Variants in SYNPO2 observed in about 807,000 individuals in gnomAD.
SYNPO2 encodes the protein synaptopodin-2.
Under a neutral mutation model 85.0 loss-of-function variants are expected in SYNPO2, and 56 were observed. The ratio of observed to expected loss-of-function variants is 0.66; its 90% CI spans 0.53 to 0.82. The LOEUF is 0.82. Among genes scored for constraint, SYNPO2 ranks in the 40% least tolerant of loss-of-function variants. The pLI is 0.00. For synonymous variants in SYNPO2, 602 were observed against 591.1 expected, an observed-to-expected ratio of 1.02 and a Z score of -0.27; for missense variants, 1,575 against 1,534.2, an observed-to-expected ratio of 1.03 and a Z score of -0.44.
intron 4 of SYNPO2, chr4:119,038,230 C>G: frequency 1.0e-6 from 1 of 984,892 alleles, no homozygotes; most frequent in Non-Finnish European, 1.2e-6. Context: ...CCTACTGTCT[C>G]TGCTTTGTAG....
intron 3 of SYNPO2, among the ~76,000 whole-genome samples, chr4:119,028,931 G>C (rs553259543): frequency 2.0e-5 from 3 of 151,416 alleles, no homozygotes; most frequent in South Asian, 4.1e-4. Flanking sequence ...TTTTATAATA[G>C]TAATAATGAA....
chr4:119,046,863 C>A (rs143891205), intron 4 of SYNPO2, among the ~76,000 whole-genome samples: 25 of 152,302 alleles, frequency 1.6e-4, no homozygotes, highest in Admixed American at 2.6e-4. Flanking sequence ...TACGCTTTCT[C>A]ACAAACAGAT....
intron 1 of SYNPO2, among the ~76,000 whole-genome samples, chr4:118,858,101 G>T (rs1578502186): frequency 2.0e-5 from 3 of 152,196 alleles, no homozygotes; most frequent in Admixed American, 2.0e-4. Flanking sequence ...TAGGGCTGTA[G>T]CCTCCTTTAC....
chr4:119,057,269 T>A (rs1739234391), intron 4 of SYNPO2, 132 bp from the exon 5 acceptor site: 2 of 1,068,254 alleles, frequency 1.9e-6, no homozygotes, highest in Non-Finnish European at 2.5e-6. Context: ...CTAAGCATTC[T>A]GGGGGGTTAA....
At chr4:119,012,089 A>AT (rs1737329542) in intron 1 of SYNPO2, among the ~76,000 whole-genome samples, 1 of 151,826 alleles carries the variant, frequency 6.6e-6, no homozygotes, top group Non-Finnish European at 1.5e-5. Flanking sequence ...CGTCTGGCTA[A>AT]TTTTTGTATT....
At position 119,026,944 on chromosome 4, in the gene SYNPO2, A is replaced by C. The variant is rs1167813651; in HGVS notation, c.575A>C (p.Gln192Pro). The change falls in exon 3 of 5, where the codon CAG becomes CCG. Residue 192 changes from glutamine (Q) to proline (P), a missense_variant. Coordinates refer to ENST00000307142, the MANE Select transcript of SYNPO2 (RefSeq NM_133477.3). ...TTAAGGGAGAAGGTAGAAGCGGTACAGCCTGGGCCTGTGGTTGAGCTGCAA... is the reference window on the plus strand; with the variant it reads ...TTAAGGGAGAAGGTAGAAGCGGTACCGCCTGGGCCTGTGGTTGAGCTGCAA... ...LILREKVEAV[Q>P]PGPVVELQLS... 5.0e-6 allele frequency: 8 copies of C among 1,614,096 alleles called. No homozygotes were observed. The highest frequency in any genetic ancestry group is 6.8e-6 in the Non-Finnish European group (8 of 1,180,044).
In SYNPO2 at chr4:118,852,950, T is replaced by G. The variant is rs373098021; in HGVS notation, c.12+2010T>G. ...GTTTCATTATTACATTTTGTTAATA[T>G]TACCATCAATTTCATCAGAAAAGCT... On this transcript the variant is annotated intron_variant, in intron 1 of 4. Coordinates refer to the SYNPO2 transcript ENST00000610556. Among the ~76,000 whole-genome samples the G allele has an allele frequency of 3.3e-5, 5 of 152,236 alleles. No individual in the cohort carries two copies. In the East Asian group the frequency reaches 9.6e-4, roughly 29 times the overall value.
chr4:119,039,212 T>A (rs972116921), intron 4 of SYNPO2, among the ~76,000 whole-genome samples: 1 of 152,074 alleles, frequency 6.6e-6, no homozygotes, highest in Non-Finnish European at 1.5e-5. Flanking sequence ...CACTTTAAGA[T>A]GAGAAAATTG....
intron 1 of SYNPO2, among the ~76,000 whole-genome samples, chr4:118,876,671 TTCTTTCTTTC>T (rs1267403838): frequency 2.9e-3 from 6 of 2,080 alleles, no homozygotes; most frequent in African/African-American, 7.2e-3. Flanking sequence ...TCCTTTCTCT[TTCTTTCTTTC>T]TTTCTTTCTT....
chr4:119,014,584 T>C (rs1737456076), intron 1 of SYNPO2, among the ~76,000 whole-genome samples: 1 of 152,214 alleles, frequency 6.6e-6, no homozygotes. Context: ...TTATTTTTGA[T>C]ATCTAACATG....
chr4:118,893,849 AAGG>A (rs890309701), intron 1 of SYNPO2, among the ~76,000 whole-genome samples: 2 of 151,922 alleles, frequency 1.3e-5, no homozygotes, highest in African/African-American at 4.8e-5. Context: ...CTAAAAAAAA[AAGG>A]AGTTTAAATG....
At position 119,030,905 on chromosome 4, in the gene SYNPO2, C is replaced by G; in HGVS notation, c.2130C>G (p.Leu710=). Residue 710 remains leucine (L), a synonymous_variant, in exon 4 of 5, where the codon CTC becomes CTG. Transcript: ENST00000307142. ...KEPKVSPNPE[L]LSLLQNSEGK... ...CCAAAGTAAGCCCAAATCCTGAACT[C>G]TTGTCACTCCTTCAAAATTCAGAAG... 2 of 1,614,186 alleles carry G rather than the reference C, an allele frequency of 1.2e-6. No homozygotes were observed. Among genetic ancestry groups the G allele is most frequent in the South Asian group, 1.1e-5 (1 of 91,082 alleles).
intron 1 of SYNPO2, among the ~76,000 whole-genome samples, chr4:118,989,886 C>A (rs565484060): frequency 1.5e-4 from 23 of 152,220 alleles, no homozygotes; most frequent in Non-Finnish European, 3.1e-4. Flanking sequence ...GCTGCAAAGA[C>A]CCCCGTCCAT....
At chr4:119,035,318 G>A in intron 4 of SYNPO2, 4 of 985,448 alleles carry the variant, frequency 4.1e-6, no homozygotes, top group Non-Finnish European at 4.8e-6. Context: ...GGACATGTAA[G>A]TACAGCATAT....
At chr4:118,999,703 A>G (rs1736753257) in intron 1 of SYNPO2, among the ~76,000 whole-genome samples, 1 of 152,154 alleles carries the variant, frequency 6.6e-6, no homozygotes, top group South Asian at 2.1e-4. Context: ...TGGGGAGTAC[A>G]GGAGAATAAT....
intron 1 of SYNPO2, among the ~76,000 whole-genome samples, chr4:118,998,262 G>C (rs17050188): frequency 0.03 from 4,554 of 152,048 alleles, 210 homozygotes; most frequent in African/African-American, 0.1. Flanking sequence ...TTAAGAGAGC[G>C]CTCAAGGATG....
intron 4 of SYNPO2, among the ~76,000 whole-genome samples, chr4:119,041,688 T>A (rs1269486350): frequency 6.6e-6 from 1 of 152,248 alleles, no homozygotes; most frequent in East Asian, 1.9e-4. Flanking sequence ...CTTAGAACTT[T>A]TAATTTTAAT....
intron 1 of SYNPO2, among the ~76,000 whole-genome samples, chr4:119,003,876 C>T (rs935493777): frequency 1.3e-5 from 2 of 152,206 alleles, no homozygotes; most frequent in African/African-American, 2.4e-5. Context: ...GCCAGAGTTC[C>T]GGGAGCCCAG....
chr4:119,041,643 T>C (rs1329052221), intron 4 of SYNPO2, among the ~76,000 whole-genome samples: 1 of 152,242 alleles, frequency 6.6e-6, no homozygotes, highest in Non-Finnish European at 1.5e-5. Context: ...TTGTGGGTGG[T>C]ATTACTGAAA....
Sources: allele counts gnomAD v4.1 joint callset (sites outside exome capture counted in the v4.1 genomes callset), GRCh38; gene constraint gnomAD v4.1.1; transcripts MANE v1.5; gene names NCBI Gene and HGNC (gene_info 2026-07-23, HGNC 2026-07-21).